ADAM12: variants seen among roughly 807,000 people sequenced by gnomAD.
ADAM12 encodes the protein ADAM metallopeptidase domain 12.
A neutral mutation model predicts 106.4 loss-of-function variants in ADAM12; 70 were observed. The ratio of observed to expected loss-of-function variants is 0.66; its 90% CI spans 0.54 to 0.80. ADAM12 has a LOEUF of 0.80. Ranked by LOEUF, ADAM12 falls within the 30% of genes least tolerant of loss-of-function variation. ADAM12 has a pLI of 0.00. For synonymous variants in ADAM12, 420 were observed against 433.5 expected, an observed-to-expected ratio of 0.97 and a Z score of 0.39; for missense variants, 1,010 against 1,171.9, an observed-to-expected ratio of 0.86 and a Z score of 2.02.
intron 3 of ADAM12, among the ~76,000 whole-genome samples, chr10:126,266,119 C>G (rs1959091829): frequency 6.6e-6 from 1 of 152,126 alleles, no homozygotes; most frequent in Non-Finnish European, 1.5e-5. Context: ...GTTGCATGCA[C>G]CTCACCTAAT....
chr10:126,195,804 T>G (rs1957587111), intron 3 of ADAM12, among the ~76,000 whole-genome samples: 1 of 151,968 alleles, frequency 6.6e-6, no homozygotes, highest in African/African-American at 2.4e-5. Flanking sequence ...TATGATACAA[T>G]TTATATGATA....
In ADAM12 at chr10:126,340,732, T is replaced by C. The variant is rs575820683; in HGVS notation, c.89-10223A>G. ...TACCTCGTGGCCTGTTTTTTTTTTT[T>C]TTTGAGGTGGAGTCTCACTCTGTTG... On this transcript the variant is annotated intron_variant, in intron 1 of 22. Transcript: ENST00000448723. 1.8e-3 allele frequency among the ~76,000 whole-genome samples: 267 copies of C among 151,862 alleles called. 2 individuals carry two copies. Among genetic ancestry groups the C allele is most frequent in the African/African-American group, 6.0e-3 (250 of 41,412 alleles).
chr10:126,156,506 T>C (rs922860818), intron 3 of ADAM12, among the ~76,000 whole-genome samples: 1 of 152,252 alleles, frequency 6.6e-6, no homozygotes, highest in South Asian at 2.1e-4. Flanking sequence ...TGAGCACCTA[T>C]GCTTGGGCCC....
chr10:126,220,021 C>A (rs140540086), intron 3 of ADAM12, among the ~76,000 whole-genome samples: 4 of 152,122 alleles, frequency 2.6e-5, no homozygotes, highest in Admixed American at 6.5e-5. Flanking sequence ...AGCTCCTCGC[C>A]GTACCAAGTA....
intron 10 of ADAM12, among the ~76,000 whole-genome samples, chr10:126,097,739 A>G (rs1453693634): frequency 6.6e-6 from 1 of 152,184 alleles, no homozygotes; most frequent in East Asian, 1.9e-4. Context: ...TTATCTGATG[A>G]AGTGGAGCAC....
In ADAM12 at chr10:126,295,548, T is replaced by TACACACACACACAC. The variant is rs147578888; in HGVS notation, c.187-16574_187-16561dup. On this transcript the variant is annotated intron_variant, in intron 2 of 22. Coordinates refer to ENST00000448723, the MANE Select transcript of ADAM12 (RefSeq NM_001288973.2). ...CCACAAAAATACACACACACACACATACACACACACACACACACACACATC... is the reference window on the plus strand; with the variant it reads ...CCACAAAAATACACACACACACACATACACACACACACACACACACACACACACACACACACATC... Among the ~76,000 whole-genome samples, 4 of 146,634 alleles carry TACACACACACACAC rather than the reference T, an allele frequency of 2.7e-5. No individual in the cohort carries two copies. The South Asian group carries it at 6.6e-4, about 24-fold the overall frequency.
intron 1 of ADAM12, among the ~76,000 whole-genome samples, chr10:126,367,776 G>T (rs1482050636): frequency 6.6e-6 from 1 of 151,896 alleles, no homozygotes; most frequent in African/African-American, 2.4e-5. Context: ...CAATATGTTT[G>T]TTAACTCAGA....
At chr10:126,274,181 T>C (rs934853626) in intron 3 of ADAM12, among the ~76,000 whole-genome samples, 1 of 152,114 alleles carries the variant, frequency 6.6e-6, no homozygotes, top group African/African-American at 2.4e-5. Flanking sequence ...CGTAAGGATG[T>C]CATGGTTGGC....
chr10:126,216,939 G>T (rs1444200467), intron 3 of ADAM12, among the ~76,000 whole-genome samples: 1 of 152,176 alleles, frequency 6.6e-6, no homozygotes, highest in East Asian at 1.9e-4. Flanking sequence ...AACTTCCCAT[G>T]CACTGTGGTT....
intron 5 of ADAM12, among the ~76,000 whole-genome samples, chr10:126,130,584 G>T (rs1008723896): frequency 6.6e-6 from 1 of 152,150 alleles, no homozygotes; most frequent in Non-Finnish European, 1.5e-5. Context: ...GGGGATGCGG[G>T]GTGGATGTGG....
chr10:126,115,182 A>C (rs532580394), intron 6 of ADAM12, among the ~76,000 whole-genome samples: 4 of 152,342 alleles, frequency 2.6e-5, no homozygotes, highest in Admixed American at 2.6e-4. Context: ...ATAATTATCC[A>C]TACTAACGGA....
chr10:126,258,368 A>G (rs951896480), intron 3 of ADAM12, among the ~76,000 whole-genome samples: 5 of 151,080 alleles, frequency 3.3e-5, no homozygotes, highest in African/African-American at 1.2e-4. Flanking sequence ...CCTCCACCTC[A>G]CTCATCCCCA....
At chr10:126,163,138 G>A (rs1402160530) in intron 3 of ADAM12, among the ~76,000 whole-genome samples, 1 of 152,172 alleles carries the variant, frequency 6.6e-6, no homozygotes, top group Non-Finnish European at 1.5e-5. Context: ...CCGATGCTAT[G>A]CTTCCTGTAA....
chr10:126,231,669 C>T (rs766058417), intron 3 of ADAM12, among the ~76,000 whole-genome samples: 7 of 152,168 alleles, frequency 4.6e-5, no homozygotes, highest in Middle Eastern at 3.2e-3. Flanking sequence ...ATCTTATTCT[C>T]CCCACATTAG....
At position 126,186,567 on chromosome 10, in the gene ADAM12, G is replaced by A. The variant is rs140706422; in HGVS notation, c.261-31262C>T. Among the ~76,000 whole-genome samples, 287 of 152,286 alleles carry A rather than the reference G, an allele frequency of 1.9e-3. 2 individuals carry two copies. Among genetic ancestry groups the A allele is most frequent in the South Asian group, 5.0e-3 (24 of 4,818 alleles). On this transcript the variant is annotated intron_variant, in intron 3 of 22. Coordinates refer to ENST00000448723, the MANE Select transcript of ADAM12 (RefSeq NM_001288973.2). ...CAATTTTGTAGTTCTAGGGACATGG[G>A]GATGAATGGGAAGATGGAAAAGGCC...
chr10:126,314,948 T>C (rs1181368817), intron 2 of ADAM12, among the ~76,000 whole-genome samples: 3 of 152,128 alleles, frequency 2.0e-5, no homozygotes, highest in African/African-American at 7.2e-5. Context: ...CCCCAGTTTG[T>C]ACAGAAGCTA....
chr10:126,360,138 A>G (rs1263120400), intron 1 of ADAM12, among the ~76,000 whole-genome samples: 1 of 151,760 alleles, frequency 6.6e-6, no homozygotes, highest in African/African-American at 2.4e-5. Flanking sequence ...CAGCACAGGG[A>G]CCCTGGGCCT....
intron 14 of ADAM12, among the ~76,000 whole-genome samples, chr10:126,063,254 C>T (rs934833131): frequency 2.0e-5 from 3 of 152,172 alleles, no homozygotes; most frequent in East Asian, 1.9e-4. Context: ...GGCCTGCGCT[C>T]GTCCCTCCTT....
At chr10:126,109,614 C>A (rs1362069238) in intron 7 of ADAM12, among the ~76,000 whole-genome samples, 161 bp downstream of exon 7, 1 of 152,108 alleles carries the variant, frequency 6.6e-6, no homozygotes, top group Non-Finnish European at 1.5e-5. Context: ...ATATTGTATG[C>A]TTTATAAAAT....
Sources: gnomAD v4.1 joint callset for allele counts (sites outside exome capture counted in the v4.1 genomes callset) on GRCh38, gnomAD v4.1.1 for gene constraint, MANE v1.5 for transcripts, NCBI Gene and HGNC (gene_info 2026-07-23, HGNC 2026-07-21) for gene names.